Variants in MUC17 observed in about 807,000 individuals in gnomAD.
MUC17 encodes mucin 17, cell surface associated.
MUC17 carries 190 observed loss-of-function variants against 170.3 expected under a neutral mutation model. The ratio of observed to expected loss-of-function variants is 1.12; its 90% CI spans 0.99 to 1.26. The LOEUF (loss-of-function observed/expected upper bound fraction) is 1.26. Among genes scored for constraint, MUC17 ranks in the 50% most tolerant of loss-of-function variants. MUC17 has a pLI of 0.00. For missense variants in MUC17, 6,415 were observed against 5,530.0 expected (o/e 1.16, Z -5.08); for synonymous variants, 2,325 against 2,002.5 (o/e 1.16, Z -4.30).
intron 1 of MUC17, among the ~76,000 whole-genome samples, chr7:101,022,245 C>T (rs1794105195): frequency 6.6e-6 from 1 of 150,868 alleles, no homozygotes; most frequent in East Asian, 2.0e-4. Context: ...CAGCTCACTG[C>T]AACCTCCACC....
At chr7:101,057,555 C>T (rs1268214993) in intron 12 of MUC17, among the ~76,000 whole-genome samples, 1 of 152,102 alleles carries the variant, frequency 6.6e-6, no homozygotes, top group Non-Finnish European at 1.5e-5. Context: ...CCAGCCTGGG[C>T]AACAAAGTGA....
Position 101,033,476 on chromosome 7 carries a change from G to T in MUC17, c.2060G>T (p.Ser687Ile). The T allele has an allele frequency of 6.2e-7, 1 of 1,613,672 alleles. No homozygotes were observed. Among genetic ancestry groups the T allele is most frequent in the Non-Finnish European group, 8.5e-7 (1 of 1,179,868 alleles). Residue 687 changes from serine to isoleucine, a missense_variant, in exon 3 of 13, where the codon AGC becomes ATC. Physicochemically the swap from Ser to Ile is moderately radical, Grantham distance 142. Transcript: ENST00000306151. ...CCAACCTCAACTTATACTGAAGGAAGCACTCCATTAACAAGTATGCCTGTC... is the reference window on the plus strand; with the variant it reads ...CCAACCTCAACTTATACTGAAGGAATCACTCCATTAACAAGTATGCCTGTC... ...SMPTSTYTEG[S>I]TPLTSMPVNT...
At chr7:101,050,404 G>A (rs1252380030) in intron 6 of MUC17, 80 bp from the exon 7 acceptor site, 8 of 1,542,176 alleles carry the variant, frequency 5.2e-6, no homozygotes, top group Non-Finnish European at 4.4e-6. Context: ...TGGGATCAGA[G>A]AGGGTGAAGC....
Position 101,056,242 on chromosome 7 carries a change from C to T in MUC17, c.13412C>T (p.Ser4471Phe). The T allele has an allele frequency of 1.2e-6, 2 of 1,613,984 alleles. No individual in the cohort carries two copies. Among genetic ancestry groups the T allele is most frequent in the Non-Finnish European group, 8.5e-7 (1 of 1,179,920 alleles). ...TCCATCTATAGTAATTTCCAGCCCT[C>T]CTTGAGACACATAGACCCTGAAACA... ...LESIYSNFQP[S>F]LRHIDPETKI... Residue 4471 changes from serine to phenylalanine, a missense_variant, in exon 12 of 13, where the codon TCC becomes TTC. By Grantham distance (155) the Ser-to-Phe change is radical. Transcript: ENST00000306151.
chr7:101,031,317 A>G (rs1794275251), intron 2 of MUC17, 96 bp downstream of exon 2: 2 of 1,501,896 alleles, frequency 1.3e-6, no homozygotes, highest in Non-Finnish European at 1.8e-6. Flanking sequence ...GCCATATTTT[A>G]CAGTGTGTGA....
rs773833941 is a variant in MUC17 at position 101,033,987 on chromosome 7, C to T, written c.2571C>T (p.Thr857=). 108 of 1,603,298 alleles carry T rather than the reference C, an allele frequency of 6.7e-5. No individual in the cohort carries two copies. Among genetic ancestry groups the T allele is most frequent in the Non-Finnish European group, 9.1e-5 (107 of 1,174,058 alleles). The change falls in exon 3 of 13, where the codon ACC becomes ACT. Residue 857 remains threonine, a synonymous_variant. Coordinates refer to ENST00000306151, the MANE Select transcript of MUC17 (RefSeq NM_001040105.2). The part of the protein sequence containing the change: ...PTPAEGTSMP[T]STYSEGRTPL... ...CTGCTGAAGGTACCAGCATGCCAACCTCAACTTATAGTGAAGGAAGAACTC... is the reference window on the plus strand; with the variant it reads ...CTGCTGAAGGTACCAGCATGCCAACTTCAACTTATAGTGAAGGAAGAACTC...
intron 1 of MUC17, among the ~76,000 whole-genome samples, chr7:101,022,860 A>G (rs1218058422): frequency 1.3e-5 from 2 of 152,012 alleles, no homozygotes; most frequent in Non-Finnish European, 2.9e-5. Flanking sequence ...GGAGCCTTCC[A>G]GGAATCTGCA....
Position 101,043,783 on chromosome 7 carries a change from C to A in MUC17, c.12367C>A (p.Pro4123Thr), listed in dbSNP as rs1261256261. 1 of 1,611,714 alleles carries A rather than the reference C, an allele frequency of 6.2e-7. No homozygotes were observed. Among genetic ancestry groups the A allele is most frequent in the Non-Finnish European group, 8.5e-7 (1 of 1,178,370 alleles). ...VPTNTTIKSNPTSTPTVPRTT... is the reference protein window; with the variant it reads ...VPTNTTIKSNTTSTPTVPRTT... ...CACGAATACTACAATTAAGAGCAAC[C>A]CCACCTCAACTCCTACTGTGCCAAG... Residue 4123 changes from proline to threonine, a missense_variant, in exon 3 of 13, where the codon CCC becomes ACC. Coordinates refer to ENST00000306151, the MANE Select transcript of MUC17 (RefSeq NM_001040105.2).
At chr7:101,054,491 G>A (rs564905544) in intron 11 of MUC17, among the ~76,000 whole-genome samples, 46 of 152,248 alleles carry the variant, frequency 3.0e-4, no homozygotes, top group African/African-American at 1.1e-3. Context: ...AGATTAGAAT[G>A]AGGAAAAGTC....
Position 101,042,207 on chromosome 7 carries a change from C to T in MUC17, c.10791C>T (p.Ser3597=), listed in dbSNP as rs747363469. Residue 3597 remains serine (S), a synonymous_variant, in exon 3 of 13, where the codon TCC becomes TCT. Coordinates refer to ENST00000306151, the MANE Select transcript of MUC17 (RefSeq NM_001040105.2). ...YVTSSEASTP[S]TPSVDRSTPV... ...CCAGTTCTGAGGCTAGCACACCTTC[C>T]ACTCCTTCTGTTGACAGAAGCACAC... 6.2e-7 allele frequency: 1 copy of T among 1,614,032 alleles called. No homozygotes were observed. The highest frequency in any genetic ancestry group is 8.5e-7 in the Non-Finnish European group (1 of 1,180,000).
At position 101,043,857 on chromosome 7, in the gene MUC17, A is replaced by G. The variant is rs779628625; in HGVS notation, c.12403+38A>G. The G allele has an allele frequency of 1.6e-5, 25 of 1,546,418 alleles. No homozygotes were observed. In the East Asian group the frequency reaches 5.6e-4, roughly 35 times the overall value. ...TTGAATTTTCCTTTTTTTTAAAATT[A>G]TACTGTAAGTTCTAGGGTACATGTG... is the stretch of plus-strand genomic sequence containing the variant. On this transcript the variant is annotated intron_variant, in intron 3 of 12. Coordinates refer to ENST00000306151, the MANE Select transcript of MUC17 (RefSeq NM_001040105.2).
chr7:101,033,735 C>T lies in MUC17; in HGVS notation c.2319C>T (p.Asp773=), dbSNP rs147456175. 7.4e-6 allele frequency: 12 copies of T among 1,613,658 alleles called. No individual in the cohort carries two copies. Among genetic ancestry groups the T allele is most frequent in the Non-Finnish European group, 1.0e-5 (12 of 1,179,752 alleles). ...GCACCCTTTCAACAACTCCTCTTGA[C>T]ACAAGCACACATATCACCACTTCTA... The part of the protein sequence containing the change: ...EASTLSTTPL[D]TSTHITTSTE... Residue 773 remains aspartate (D), a synonymous_variant, in exon 3 of 13, where the codon GAC becomes GAT. Coordinates refer to ENST00000306151, the MANE Select transcript of MUC17 (RefSeq NM_001040105.2).
chr7:101,030,950 TCTTG>T (rs1794268240), intron 1 of MUC17, among the ~76,000 whole-genome samples, 166 bp from the exon 2 acceptor site: 2 of 152,190 alleles, frequency 1.3e-5, no homozygotes, highest in South Asian at 4.1e-4. Flanking sequence ...TGTACCATCT[TCTTG>T]CTTTACTTTC....
Position 101,036,143 on chromosome 7 carries a change from C to A in MUC17, c.4727C>A (p.Thr1576Lys). 6.2e-7 allele frequency: 1 copy of A among 1,613,052 alleles called. No individual in the cohort carries two copies. The highest frequency in any genetic ancestry group is 8.5e-7 in the Non-Finnish European group (1 of 1,179,366). The change falls in exon 3 of 13, where the codon ACA becomes AAA. Residue 1576 changes from threonine (T) to lysine (K), a missense_variant. Physicochemically the swap from Thr to Lys is moderately conservative, Grantham distance 78. Coordinates refer to ENST00000306151, the MANE Select transcript of MUC17 (RefSeq NM_001040105.2). ...TATAGTGAAGGAAGCACTCCACTAA[C>A]AAGTTTGCCTGTCAGCACCATGCTG... is the stretch of plus-strand genomic sequence containing the variant. ...STYSEGSTPL[T>K]SLPVSTMLVV...
chr7:101,032,450 C>G lies in MUC17; in HGVS notation c.1034C>G (p.Pro345Arg). 1.2e-6 allele frequency: 2 copies of G among 1,613,572 alleles called. No homozygotes were observed. Among genetic ancestry groups the G allele is most frequent in the South Asian group, 2.2e-5 (2 of 91,022 alleles). The change falls in exon 3 of 13, where the codon CCG becomes CGG. Residue 345 changes from proline to arginine, a missense_variant. Coordinates refer to ENST00000306151, the MANE Select transcript of MUC17 (RefSeq NM_001040105.2). Reference protein sequence around the residue: ...PLTSTPASTMPVATSEMSTLS... With the variant: ...PLTSTPASTMRVATSEMSTLS... Reference sequence around the variant, plus strand: ...ACAAGTACGCCTGCCAGCACCATGCCGGTTGCCACTTCTGAAATGAGCACA... The same window carrying G: ...ACAAGTACGCCTGCCAGCACCATGCGGGTTGCCACTTCTGAAATGAGCACA...
Position 101,034,248 on chromosome 7 carries a change from T to C in MUC17, c.2832T>C (p.Leu944=), listed in dbSNP as rs1794386991. ...TPVVSSEART[L]SATPVDTSTP... Reference sequence around the variant, plus strand: ...TAGTCAGTTCTGAGGCTAGAACACTTTCAGCAACTCCTGTTGACACCAGCA... The same window carrying C: ...TAGTCAGTTCTGAGGCTAGAACACTCTCAGCAACTCCTGTTGACACCAGCA... The change falls in exon 3 of 13, where the codon CTT becomes CTC. Residue 944 remains leucine, a synonymous_variant. Coordinates refer to ENST00000306151, the MANE Select transcript of MUC17 (RefSeq NM_001040105.2). 1 of 1,601,794 alleles carries C rather than the reference T, an allele frequency of 6.2e-7. No individual in the cohort carries two copies. The highest frequency in any genetic ancestry group is 1.7e-5 in the Admixed American group (1 of 59,056).
At position 101,031,660 on chromosome 7, in the gene MUC17, T is replaced by A. The variant is rs1302665756; in HGVS notation, c.244T>A (p.Tyr82Asn). ...TACAAATGTCGTGGAGCCAAGAATG[T>A]ATTTGAGTTGCAGCACCAACCCTGA... is the stretch of plus-strand genomic sequence containing the variant. ...TSTNVVEPRMYLSCSTNPEMT... is the reference protein window; with the variant it reads ...TSTNVVEPRMNLSCSTNPEMT... The change falls in exon 3 of 13, where the codon TAT becomes AAT. Residue 82 changes from tyrosine to asparagine, a missense_variant. By Grantham distance (143) the Tyr-to-Asn change is moderately radical. Coordinates refer to ENST00000306151, the MANE Select transcript of MUC17 (RefSeq NM_001040105.2). 2.5e-6 allele frequency: 4 copies of A among 1,579,666 alleles called. No homozygotes were observed. Among genetic ancestry groups the A allele is most frequent in the Non-Finnish European group, 3.4e-6 (4 of 1,162,278 alleles).
Position 101,034,143 on chromosome 7 carries a change from T to TG in MUC17, c.2728dup (p.Glu910GlyfsTer22), listed in dbSNP as rs774267349. The TG allele has an allele frequency of 1.5e-5, 24 of 1,584,846 alleles. 1 individual carries two copies. The highest frequency in any genetic ancestry group is 1.7e-4 in the Middle Eastern group (1 of 5,938). ...AAGCCCGTTCGTCTCCTACAACTTC[T>TG]GAAGGTACCAGCATGCCAACCTCAA... On this transcript the variant is annotated frameshift_variant, in exon 3 of 13. Coordinates refer to ENST00000306151, the MANE Select transcript of MUC17 (RefSeq NM_001040105.2). LOFTEE classifies it high-confidence loss of function.
rs1794682066 is a variant in MUC17, at chr7:101,041,003, C to T, written c.9587C>T (p.Thr3196Ile). The T allele has an allele frequency of 6.2e-7, 1 of 1,613,898 alleles. No individual in the cohort carries two copies. The highest frequency in any genetic ancestry group is 1.1e-5 in the South Asian group (1 of 91,076). Residue 3196 changes from threonine (T) to isoleucine (I), a missense_variant, in exon 3 of 13, where the codon ACC (threonine) becomes ATC (isoleucine). Thr to Ile is a moderately conservative substitution (Grantham distance 89). Transcript: ENST00000306151. ...CCTGTTGACACCAGCACACCTGTGA[C>T]CACTTCTACTGAAGCCACTTCATCT... Reference protein sequence around the residue: ...ATPVDTSTPVTTSTEATSSTT... With the variant: ...ATPVDTSTPVITSTEATSSTT...
Sources: allele counts gnomAD v4.1 joint callset (sites outside exome capture counted in the v4.1 genomes callset), GRCh38; gene constraint gnomAD v4.1.1; transcripts MANE v1.5; gene names NCBI Gene and HGNC (gene_info 2026-07-23, HGNC 2026-07-21).